PTPN4: variants seen among roughly 807,000 people sequenced by gnomAD.
The protein encoded by PTPN4 is protein tyrosine phosphatase non-receptor type 4.
In PTPN4, 49 loss-of-function variants were observed where a neutral mutation model predicts 135.5. That is an observed-to-expected ratio of 0.36 (90% CI 0.29 to 0.46). The LOEUF (loss-of-function observed/expected upper bound fraction) is 0.46, where lower values mean the gene tolerates loss of function less well. Among genes scored for constraint, PTPN4 ranks in the 20% least tolerant of loss-of-function variants. The pLI, the probability that PTPN4 is intolerant of heterozygous loss-of-function variation, is 1.00. For synonymous variants in PTPN4, 333 were observed against 369.9 expected (o/e 0.90, Z 1.14); for missense variants, 860 against 1,101.0 (o/e 0.78, Z 3.10).
chr2:119,967,535 A>G (rs1483946598), intron 25 of PTPN4, among the ~76,000 whole-genome samples: 1 of 152,058 alleles, frequency 6.6e-6, no homozygotes, highest in Non-Finnish European at 1.5e-5. Flanking sequence ...ATCATTTTGC[A>G]TTTTAAGGAG....
In PTPN4 at chr2:119,877,358, G is replaced by A; in HGVS notation, c.282G>A (p.Gln94=). 1 of 1,612,188 alleles carries A rather than the reference G, an allele frequency of 6.2e-7. No homozygotes were observed. The highest frequency in any genetic ancestry group is 8.5e-7 in the Non-Finnish European group (1 of 1,179,394). ...ATCCAAACAAACCAATAAGGAAGCA[G>A]CTAAAGAGTGAGCATACATATTTAC... The part of the protein sequence containing the change: ...WLDPNKPIRK[Q]LKRGSPYSLN... Residue 94 remains glutamine (Q), a synonymous_variant, in exon 4 of 27, where the codon CAG becomes CAA. Coordinates refer to ENST00000263708, the MANE Select transcript of PTPN4 (RefSeq NM_002830.4).
At chr2:119,966,176 G>GA (rs1679443100) in intron 25 of PTPN4, among the ~76,000 whole-genome samples, 3 of 152,132 alleles carry the variant, frequency 2.0e-5, no homozygotes, top group Admixed American at 2.0e-4. Flanking sequence ...AGGGACAGAA[G>GA]GGGTGAACCC....
At chr2:119,967,485 G>A (rs1679462251) in intron 25 of PTPN4, among the ~76,000 whole-genome samples, 1 of 151,804 alleles carries the variant, frequency 6.6e-6, no homozygotes, top group Non-Finnish European at 1.5e-5. Context: ...AAATATTGTT[G>A]TCTTTTGTGC....
chr2:119,900,479 T>C (rs1454240438), intron 9 of PTPN4, among the ~76,000 whole-genome samples: 1 of 152,160 alleles, frequency 6.6e-6, no homozygotes, highest in Non-Finnish European at 1.5e-5. Flanking sequence ...TGGGAAATCC[T>C]GAGATCCATT....
chr2:119,928,081 G>A (rs1306218067), intron 13 of PTPN4, among the ~76,000 whole-genome samples: 1 of 152,104 alleles, frequency 6.6e-6, no homozygotes, highest in African/African-American at 2.4e-5. Flanking sequence ...TACTCATAGA[G>A]ACATTTTTAT....
chr2:119,864,510 C>CT (rs1478105301), intron 3 of PTPN4, among the ~76,000 whole-genome samples: 1 of 152,016 alleles, frequency 6.6e-6, no homozygotes, highest in Non-Finnish European at 1.5e-5. Context: ...AAGTCAGGCC[C>CT]TGTAGCTGTA....
chr2:119,786,929 T>C (rs1691057635), intron 1 of PTPN4, among the ~76,000 whole-genome samples: 1 of 152,216 alleles, frequency 6.6e-6, no homozygotes, highest in Admixed American at 6.5e-5. Context: ...TACCTGGCTT[T>C]AGGTTGGGCA....
At chr2:119,809,670 T>C (rs1284459983) in intron 1 of PTPN4, among the ~76,000 whole-genome samples, 167 bp from the exon 2 acceptor site, 1 of 152,216 alleles carries the variant, frequency 6.6e-6, no homozygotes, top group Non-Finnish European at 1.5e-5. Flanking sequence ...AGTTTGATGA[T>C]GAACTATATA....
chr2:119,772,657 C>G (rs1209062176), intron 1 of PTPN4, among the ~76,000 whole-genome samples: 7 of 152,176 alleles, frequency 4.6e-5, no homozygotes, highest in Admixed American at 4.6e-4. Context: ...CCTGCCTCAG[C>G]CTTCCAAGTA....
At chr2:119,902,646 C>T (rs1052152289) in intron 10 of PTPN4, among the ~76,000 whole-genome samples, 1 of 152,188 alleles carries the variant, frequency 6.6e-6, no homozygotes, top group Non-Finnish European at 1.5e-5. Flanking sequence ...CAGGGAACCT[C>T]TGAGACACAG....
In PTPN4 at chr2:119,960,793, C is replaced by T. The variant is rs962367670; in HGVS notation, c.2134-14C>T. On this transcript the variant is annotated splice_polypyrimidine_tract_variant and intron_variant, in intron 22 of 26. Coordinates refer to ENST00000263708, the MANE Select transcript of PTPN4 (RefSeq NM_002830.4). ...AATGCAAAACATTTTATTTTCATGCCCTTTTCTTTTTAGATGGAAATTCCT... is the reference window on the plus strand; with the variant it reads ...AATGCAAAACATTTTATTTTCATGCTCTTTTCTTTTTAGATGGAAATTCCT... 6.2e-6 allele frequency: 10 copies of T among 1,602,082 alleles called. No homozygotes were observed. Among genetic ancestry groups the T allele is most frequent in the Non-Finnish European group, 8.5e-6 (10 of 1,176,510 alleles).
At chr2:119,767,484 G>A (rs868704084) in intron 1 of PTPN4, among the ~76,000 whole-genome samples, 33 of 152,066 alleles carry the variant, frequency 2.2e-4, no homozygotes, top group African/African-American at 7.7e-4. Flanking sequence ...CTACCTTCAG[G>A]TCGAACCTAG....
chr2:119,932,533 C>T lies in PTPN4; in HGVS notation c.1180C>T (p.Pro394Ser), dbSNP rs771442764. 1 of 1,609,780 alleles carries T rather than the reference C, an allele frequency of 6.2e-7. No homozygotes were observed. The highest frequency in any genetic ancestry group is 1.1e-5 in the South Asian group (1 of 90,026). ...ACAAAGTCTTCCATCACGATCTCCA[C>T]CGGGAACTCCTAATCAGTAAGTGTG... ...ETQSLPSRSP[P>S]GTPNHRNSTF... Residue 394 changes from proline (P) to serine (S), a missense_variant, in exon 14 of 27, where the codon CCG becomes TCG. Transcript: ENST00000263708.
chr2:119,811,949 A>T (rs973896370), intron 2 of PTPN4, among the ~76,000 whole-genome samples: 1 of 151,952 alleles, frequency 6.6e-6, no homozygotes, highest in Non-Finnish European at 1.5e-5. Flanking sequence ...ATAGACCTGG[A>T]TATATTACCT....
At chr2:119,954,637 C>G (rs185336728) in intron 19 of PTPN4, among the ~76,000 whole-genome samples, 28 of 152,250 alleles carry the variant, frequency 1.8e-4, no homozygotes, top group African/African-American at 6.5e-4. Flanking sequence ...GGCCTAGGAT[C>G]TAGGGTCTGA....
chr2:119,870,249 C>G (rs149343173), intron 3 of PTPN4, among the ~76,000 whole-genome samples: 1 of 151,748 alleles, frequency 6.6e-6, no homozygotes, highest in African/African-American at 2.4e-5. Flanking sequence ...TTTTTAAAAC[C>G]CAGATTCATT....
intron 2 of PTPN4, among the ~76,000 whole-genome samples, chr2:119,821,305 A>T (rs1185237877): frequency 6.6e-6 from 1 of 151,614 alleles, no homozygotes; most frequent in East Asian, 1.9e-4. Flanking sequence ...GTTGGCCAGG[A>T]TGGTTTCAAT....
chr2:119,932,323 T>C (rs1678919002), intron 13 of PTPN4, 101 bp from the exon 14 acceptor site: 3 of 1,161,852 alleles, frequency 2.6e-6, no homozygotes, highest in Admixed American at 2.8e-5. Flanking sequence ...TTTATGTTGC[T>C]CATCTAGAAC....
intron 2 of PTPN4, among the ~76,000 whole-genome samples, chr2:119,847,904 GTC>G (rs1289769383): frequency 6.6e-6 from 1 of 152,152 alleles, no homozygotes; most frequent in Non-Finnish European, 1.5e-5. Flanking sequence ...TCATCCAGGT[GTC>G]TTCTGGCTTC....
Sources: gnomAD v4.1 joint callset for allele counts (sites outside exome capture counted in the v4.1 genomes callset) on GRCh38, gnomAD v4.1.1 for gene constraint, MANE v1.5 for transcripts, NCBI Gene and HGNC (gene_info 2026-07-23, HGNC 2026-07-21) for gene names.